The following KCNIP1 variants were observed in gnomAD, a reference collection of about 807,000 sequenced individuals.
KCNIP1 encodes the protein A-type potassium channel modulatory protein KCNIP1.
In KCNIP1, 18 loss-of-function variants were observed where a neutral mutation model predicts 33.0. That is an observed-to-expected ratio of 0.55 (90% confidence interval 0.38 to 0.81). The LOEUF (loss-of-function observed/expected upper bound fraction) is 0.81, where lower values mean the gene tolerates loss of function less well. KCNIP1 is among the 30% of genes least tolerant of loss of function. The pLI is 0.00. For synonymous variants in KCNIP1, 93 were observed against 98.3 expected (o/e 0.95, Z 0.32); for missense variants, 238 against 271.6 (o/e 0.88, Z 0.87).
chr5:170,641,026 T>C (rs1009280494), intron 1 of KCNIP1, among the ~76,000 whole-genome samples: 4 of 152,064 alleles, frequency 2.6e-5, no homozygotes, highest in African/African-American at 9.7e-5. Flanking sequence ...GGTTGCTAAG[T>C]AGAAAGAATA....
chr5:170,532,649 C>T (rs1755825728), intron 1 of KCNIP1, among the ~76,000 whole-genome samples: 1 of 152,102 alleles, frequency 6.6e-6, no homozygotes, highest in African/African-American at 2.4e-5. Context: ...ATCTTGTAGC[C>T]ATTGTGGTGC....
chr5:170,707,044 A>C (rs547803289), intron 1 of KCNIP1, among the ~76,000 whole-genome samples: 81 of 152,210 alleles, frequency 5.3e-4, no homozygotes, highest in Admixed American at 2.4e-3. Context: ...CACCTGAATT[A>C]GATGAGAAAG....
chr5:170,712,686 G>C (rs890959894), intron 1 of KCNIP1, among the ~76,000 whole-genome samples: 3 of 152,262 alleles, frequency 2.0e-5, no homozygotes, highest in Admixed American at 6.5e-5. Context: ...TCTGACCATG[G>C]GAAAAGGACA....
At chr5:170,694,408 A>G (rs2339139) in intron 1 of KCNIP1, among the ~76,000 whole-genome samples, 103,866 of 151,780 alleles carry the variant, frequency 0.68, 36,321 homozygotes, top group East Asian at 0.94. Context: ...CTCTCTTTTG[A>G]AGATCTCTAA....
In KCNIP1 at chr5:170,588,682, C is replaced by A. The variant is rs1418287517; in HGVS notation, c.61+84049C>A. On this transcript the variant is annotated intron_variant, in intron 1 of 7. Coordinates refer to ENST00000328939, the MANE Select transcript of KCNIP1 (RefSeq NM_014592.4). The stretch of plus-strand genomic sequence containing the variant: ...CAGGGAAGAAAATATAAGATATTCC[C>A]AAGGGACCCTGGAAGCTTTATCCCA... Among the ~76,000 whole-genome samples the A allele has an allele frequency of 2.6e-5, 4 of 152,286 alleles. No individual in the cohort carries two copies. The East Asian group carries it at 7.7e-4, about 29-fold the overall frequency.
intron 1 of KCNIP1, among the ~76,000 whole-genome samples, chr5:170,714,734 G>A (rs1263367572): frequency 1.3e-5 from 2 of 151,838 alleles, no homozygotes; most frequent in Admixed American, 1.3e-4. Context: ...TAGAGAAAAA[G>A]CTTATAAAAT....
chr5:170,668,979 T>C (rs1057175749), intron 1 of KCNIP1, among the ~76,000 whole-genome samples: 89 of 152,270 alleles, frequency 5.8e-4, no homozygotes, highest in African/African-American at 2.0e-3. Context: ...GGGGAACCCT[T>C]CCTGGATTCC....
intron 1 of KCNIP1, chr5:170,678,895 A>G (rs1217474835): frequency 6.6e-6 from 1 of 152,244 alleles, no homozygotes; most frequent in African/African-American, 2.4e-5. Context: ...AGATACAGCT[A>G]AGATAAGCCA....
chr5:170,508,192 C>A (rs1157689834), intron 1 of KCNIP1, among the ~76,000 whole-genome samples: 1 of 152,184 alleles, frequency 6.6e-6, no homozygotes, highest in East Asian at 1.9e-4. Context: ...TCCTCCATGA[C>A]CGAGTGCAAG....
At chr5:170,616,924 G>T (rs1023582306) in intron 1 of KCNIP1, among the ~76,000 whole-genome samples, 1 of 151,874 alleles carries the variant, frequency 6.6e-6, no homozygotes, top group African/African-American at 2.4e-5. Context: ...CTGGGCTAGG[G>T]TCCCCTCTGC....
chr5:170,379,334 ATAT>A (rs1474487480), intron 1 of KCNIP1, among the ~76,000 whole-genome samples: 9 of 152,142 alleles, frequency 5.9e-5, no homozygotes, highest in Non-Finnish European at 1.3e-4. Flanking sequence ...GTTTCAAAGG[ATAT>A]TATGAAAGAA....
intron 1 of KCNIP1, among the ~76,000 whole-genome samples, chr5:170,433,784 G>A (rs79124473): frequency 6.2e-4 from 94 of 152,284 alleles, no homozygotes; most frequent in Non-Finnish European, 1.2e-3. Context: ...TTCATTTAAC[G>A]TTTACCGAAA....
chr5:170,628,431 TAAC>T (rs924998804), intron 1 of KCNIP1, among the ~76,000 whole-genome samples: 1 of 152,184 alleles, frequency 6.6e-6, no homozygotes, highest in African/African-American at 2.4e-5. Flanking sequence ...CAGAATCACA[TAAC>T]AATAAGTGTT....
chr5:170,707,311 A>G (rs1015927315), intron 1 of KCNIP1, among the ~76,000 whole-genome samples: 1 of 152,200 alleles, frequency 6.6e-6, no homozygotes, highest in South Asian at 2.1e-4. Flanking sequence ...TAGCTGGACT[A>G]AAATGCTGCT....
rs2113237268 is a variant in KCNIP1 at position 170,504,704 on chromosome 5, A to C, written c.61+71A>C. Reference sequence around the variant, plus strand: ...GCTAGGCGCCGAGGTGGGCTGTGCCACCTGCCTCCCTTAGTCCGGACTCTC... The same window carrying C: ...GCTAGGCGCCGAGGTGGGCTGTGCCCCCTGCCTCCCTTAGTCCGGACTCTC... On this transcript the variant is annotated intron_variant, in intron 1 of 7. Transcript: ENST00000328939. The surrounding 1 kb of genome is among the most constrained non-coding windows in gnomAD (Gnocchi z 6.0). The C allele has an allele frequency of 1.6e-6, 2 of 1,280,132 alleles. No individual in the cohort carries two copies. The allele number at this position is 1,280,132 out of a possible 1,614,324, so 79.3% of individuals were successfully genotyped here.
chr5:170,385,631 T>C (rs924957206), intron 1 of KCNIP1, among the ~76,000 whole-genome samples: 1 of 152,036 alleles, frequency 6.6e-6, no homozygotes, highest in Non-Finnish European at 1.5e-5. Flanking sequence ...TTGGACCCCA[T>C]GTAAGCCTTC....
intron 1 of KCNIP1, among the ~76,000 whole-genome samples, chr5:170,603,916 G>A (rs1758796967): frequency 6.6e-6 from 1 of 152,190 alleles, no homozygotes; most frequent in African/African-American, 2.4e-5. Flanking sequence ...TGTCTTCACT[G>A]TTAGGGGGTA....
At chr5:170,677,214 T>C (rs1762177180) in intron 1 of KCNIP1, among the ~76,000 whole-genome samples, 1 of 152,192 alleles carries the variant, frequency 6.6e-6, no homozygotes, top group African/African-American at 2.4e-5. Flanking sequence ...TGTCTCTGTT[T>C]TACAGGTGAG....
chr5:170,391,565 A>G (rs314127), intron 1 of KCNIP1, among the ~76,000 whole-genome samples: 97,209 of 152,054 alleles, frequency 0.64, 31,390 homozygotes, highest in African/African-American at 0.73. Context: ...AACAATAAAT[A>G]TTGACGGTTT....
Sources: gnomAD v4.1 joint callset for allele counts (sites outside exome capture counted in the v4.1 genomes callset) on GRCh38, gnomAD v4.1.1 for gene constraint, Gnocchi (gnomAD v3.1) non-coding constraint, MANE v1.5 for transcripts, NCBI Gene and HGNC (gene_info 2026-07-23, HGNC 2026-07-21) for gene names.